Variants in XYLT1 observed in about 807,000 individuals in gnomAD.
The protein encoded by XYLT1 is beta-D-xylosyltransferase 1.
A neutral mutation model predicts 91.3 loss-of-function variants in XYLT1; 36 were observed. The observed-to-expected ratio is 0.39, with a 90% CI of 0.30 to 0.52. XYLT1 has a LOEUF of 0.52. XYLT1 is among the 20% of genes least tolerant of loss of function. The probability of loss-of-function intolerance (pLI) is 0.68; values close to 1 mark genes in which losing one functional copy is unlikely to be tolerated. For synonymous variants in XYLT1, 588 were observed against 532.0 expected, an observed-to-expected ratio of 1.11 and a Z score of -1.45; for missense variants, 1,242 against 1,284.5, an observed-to-expected ratio of 0.97 and a Z score of 0.51.
intron 3 of XYLT1, among the ~76,000 whole-genome samples, chr16:17,220,610 T>C (rs2032949251): frequency 6.6e-6 from 1 of 152,156 alleles, no homozygotes; most frequent in Admixed American, 6.5e-5. Flanking sequence ...GTAGCTGGGA[T>C]TACAGGTGTG....
At chr16:17,267,699 A>G (rs562103115) in intron 2 of XYLT1, among the ~76,000 whole-genome samples, 2 of 152,248 alleles carry the variant, frequency 1.3e-5, no homozygotes, top group East Asian at 3.9e-4. Context: ...GTGAGCCACC[A>G]CGCCCGGCCA....
chr16:17,388,213 G>A (rs942190311), intron 1 of XYLT1, among the ~76,000 whole-genome samples: 3 of 152,170 alleles, frequency 2.0e-5, no homozygotes, highest in South Asian at 4.1e-4. Flanking sequence ...ATGACAGGAT[G>A]CTAAAACACA....
intron 2 of XYLT1, among the ~76,000 whole-genome samples, chr16:17,313,709 A>G (rs1373871707): frequency 1.3e-5 from 2 of 151,680 alleles, no homozygotes; most frequent in African/African-American, 2.4e-5. Context: ...AAAAGTTCAT[A>G]GGAATCCATG....
At chr16:17,192,642 C>T (rs769197272) in intron 5 of XYLT1, among the ~76,000 whole-genome samples, 13 of 152,146 alleles carry the variant, frequency 8.5e-5, no homozygotes, top group Non-Finnish European at 1.3e-4. Context: ...CTGGAGCCTA[C>T]GTGGACCAGG....
chr16:17,185,177 T>G (rs1433987771), intron 5 of XYLT1, among the ~76,000 whole-genome samples: 1 of 152,232 alleles, frequency 6.6e-6, no homozygotes, highest in Admixed American at 6.5e-5. Flanking sequence ...CCAGGACAAC[T>G]GGCAAGAGGG....
At chr16:17,424,867 C>CAAA (rs57342754) in intron 1 of XYLT1, among the ~76,000 whole-genome samples, 8 of 76,148 alleles carry the variant, frequency 1.1e-4, no homozygotes, top group African/African-American at 2.5e-4. Context: ...GACTCCATCT[C>CAAA]AAAAAAAAAA....
chr16:17,253,990 C>A (rs559198785), intron 3 of XYLT1, among the ~76,000 whole-genome samples: 2 of 152,300 alleles, frequency 1.3e-5, no homozygotes, highest in South Asian at 4.1e-4. Flanking sequence ...CCAGTACCAG[C>A]TCTGTCATCT....
At chr16:17,156,806 C>G (rs76293163) in intron 6 of XYLT1, among the ~76,000 whole-genome samples, 1 of 152,098 alleles carries the variant, frequency 6.6e-6, no homozygotes, top group Non-Finnish European at 1.5e-5. Flanking sequence ...TCTTCAAGTT[C>G]GGGTGTTGCA....
intron 1 of XYLT1, among the ~76,000 whole-genome samples, chr16:17,429,625 A>T (rs1419570039): frequency 6.6e-6 from 1 of 152,242 alleles, no homozygotes; most frequent in Non-Finnish European, 1.5e-5. Context: ...GACGAGATTA[A>T]CATTTGAACT....
chr16:17,445,001 G>A (rs962920888), intron 1 of XYLT1, among the ~76,000 whole-genome samples: 1 of 152,108 alleles, frequency 6.6e-6, no homozygotes, highest in African/African-American at 2.4e-5. Context: ...ATGAAGGGAG[G>A]ACACCATTTG....
At chr16:17,267,719 CT>C (rs2033828248) in intron 2 of XYLT1, among the ~76,000 whole-genome samples, 1 of 152,052 alleles carries the variant, frequency 6.6e-6, no homozygotes, top group Admixed American at 6.6e-5. Flanking sequence ...AAGACTGAGA[CT>C]TTTTGGAAAG....
intron 2 of XYLT1, among the ~76,000 whole-genome samples, chr16:17,285,732 AC>A (rs1414089679): frequency 6.6e-6 from 1 of 152,006 alleles, no homozygotes; most frequent in Non-Finnish European, 1.5e-5. Context: ...CCTACAGAAC[AC>A]TTTTACCAAC....
At chr16:17,349,442 C>A (rs1049373553) in intron 2 of XYLT1, among the ~76,000 whole-genome samples, 1 of 151,986 alleles carries the variant, frequency 6.6e-6, no homozygotes, top group African/African-American at 2.4e-5. Flanking sequence ...TCACCTGGCT[C>A]TAGTTTAGAT....
In XYLT1 at chr16:17,328,548, C is replaced by CAAAAAAA. The variant is rs71373105; in HGVS notation, c.402+29457_402+29463dup. Among the ~76,000 whole-genome samples, 455 of 51,086 alleles carry CAAAAAAA rather than the reference C, an allele frequency of 8.9e-3. 11 individuals are homozygous for CAAAAAAA. Among genetic ancestry groups the CAAAAAAA allele is most frequent in the African/African-American group, 0.01 (232 of 22,126 alleles). The allele number at this position is 51,086 out of a possible 152,430, so 33.5% of individuals were successfully genotyped here. On this transcript the variant is annotated intron_variant, in intron 2 of 11. Transcript: ENST00000261381. ...TGGGTGACTGAGCAAGACTCCTTCT[C>CAAAAAAA]AAAAAAAAAAAAAAAAAAAAAAAAA...
At chr16:17,176,836 T>C (rs1229501545) in intron 5 of XYLT1, among the ~76,000 whole-genome samples, 1 of 53,656 alleles carries the variant, frequency 1.9e-5, no homozygotes, top group African/African-American at 8.1e-5. Flanking sequence ...GTCCTCTACT[T>C]TTTTTTTTTT....
At chr16:17,429,184 G>T (rs1167924082) in intron 1 of XYLT1, among the ~76,000 whole-genome samples, 1 of 152,202 alleles carries the variant, frequency 6.6e-6, no homozygotes, top group African/African-American at 2.4e-5. Context: ...TCCTTAACTG[G>T]AGATAATCCG....
chr16:17,157,741 GTGTTTTCTTTTTT>G (rs112390047), intron 6 of XYLT1, among the ~76,000 whole-genome samples: 6,584 of 152,100 alleles, frequency 0.043, 508 homozygotes, highest in African/African-American at 0.15. Context: ...GTGTTTAATG[GTGTTTTCTTTTTT>G]TGTTTTCTTT....
chr16:17,309,189 G>C (rs2034509122), intron 2 of XYLT1, among the ~76,000 whole-genome samples: 1 of 152,098 alleles, frequency 6.6e-6, no homozygotes, highest in Non-Finnish European at 1.5e-5. Context: ...TCTTGGGTGA[G>C]TGCTGTCCTA....
chr16:17,297,597 C>CCTA (rs1404388182), intron 2 of XYLT1, among the ~76,000 whole-genome samples: 3 of 151,806 alleles, frequency 2.0e-5, no homozygotes, highest in African/African-American at 7.3e-5. Context: ...GGGGCCCATG[C>CCTA]CTATAGTCCT....
Sources: allele counts gnomAD v4.1 joint callset (sites outside exome capture counted in the v4.1 genomes callset), GRCh38; gene constraint gnomAD v4.1.1; transcripts MANE v1.5; gene names NCBI Gene and HGNC (gene_info 2026-07-23, HGNC 2026-07-21).